Variants in AGXT2 observed in about 807,000 individuals in gnomAD.
AGXT2 encodes the protein alanine--glyoxylate aminotransferase 2, mitochondrial.
AGXT2 carries 61 observed loss-of-function variants against 62.5 expected under a neutral mutation model. That is an observed-to-expected ratio of 0.98 (90% CI 0.79 to 1.21). The LOEUF is 1.21. AGXT2 is among the 50% of genes most tolerant of loss of function. AGXT2 has a pLI of 0.00. For synonymous variants in AGXT2, 243 were observed against 218.7 expected, an observed-to-expected ratio of 1.11 and a Z score of -0.98; for missense variants, 666 against 641.5, an observed-to-expected ratio of 1.04 and a Z score of -0.41.
intron 9 of AGXT2, among the ~76,000 whole-genome samples, chr5:35,020,889 A>G (rs1457289560): frequency 6.6e-6 from 1 of 152,178 alleles, no homozygotes; most frequent in East Asian, 1.9e-4. Flanking sequence ...AGGATACAAA[A>G]TCAATGTACA....
intron 12 of AGXT2, among the ~76,000 whole-genome samples, chr5:35,007,880 G>C (rs1256373182): frequency 6.6e-6 from 1 of 152,050 alleles, no homozygotes; most frequent in African/African-American, 2.4e-5. Flanking sequence ...ATGATGAGTT[G>C]TCACTCCATT....
chr5:35,013,950 G>A (rs1209558955), intron 10 of AGXT2, 37 bp downstream of exon 10: 2 of 1,613,738 alleles, frequency 1.2e-6, no homozygotes, highest in Middle Eastern at 1.7e-4. Context: ...CAATGTACGA[G>A]GCCCAGAAGC....
chr5:34,999,847 A>G (rs922878946), intron 13 of AGXT2, among the ~76,000 whole-genome samples: 2 of 152,092 alleles, frequency 1.3e-5, no homozygotes, highest in Non-Finnish European at 2.9e-5. Flanking sequence ...TCAACTCCAA[A>G]TTGTCCACCT....
chr5:35,002,127 T>G (rs559042354), intron 13 of AGXT2, among the ~76,000 whole-genome samples: 1 of 152,254 alleles, frequency 6.6e-6, no homozygotes, highest in South Asian at 2.1e-4. Context: ...TCTCATGTCT[T>G]TATAAATTGC....
intron 12 of AGXT2, among the ~76,000 whole-genome samples, chr5:35,009,270 A>T (rs984354294): frequency 2.6e-5 from 4 of 151,544 alleles, no homozygotes; most frequent in African/African-American, 9.7e-5. Context: ...GGGAGGTTGA[A>T]ATCCATTCAC....
At chr5:35,014,913 C>G (rs1766795123) in intron 9 of AGXT2, among the ~76,000 whole-genome samples, 1 of 152,152 alleles carries the variant, frequency 6.6e-6, no homozygotes, top group South Asian at 2.1e-4. Flanking sequence ...ATCCTCTTCC[C>G]AGGGATGCCT....
Position 35,016,767 on chromosome 5 carries a change from TATGTAAAACCATAAACC to T in AGXT2, c.964-2665_964-2649del, listed in dbSNP as rs553183731. 3.4e-4 allele frequency among the ~76,000 whole-genome samples: 52 copies of T among 152,330 alleles called. 1 individual carries two copies. Among genetic ancestry groups the T allele is most frequent in the South Asian group, 2.9e-3 (14 of 4,832 alleles). ...GGACTCAGTTACAAATGCATGGAAT[TATGTAAAACCATAAACC>T]ATGTTTAGTCACTGAGGAAGTATCA... On this transcript the variant is annotated intron_variant, in intron 9 of 13. Coordinates refer to ENST00000231420, the MANE Select transcript of AGXT2 (RefSeq NM_031900.4).
rs1229184938 is a variant in AGXT2 at position 34,998,828 on chromosome 5, T to C, written c.1438-2A>G. On this transcript the variant is annotated splice_acceptor_variant, in intron 13 of 13. Coordinates refer to ENST00000231420, the MANE Select transcript of AGXT2 (RefSeq NM_031900.4). LOFTEE classifies it high-confidence loss of function. ...CATTGAGGGCGCAATGCGAAATGTC[T>C]GAGGAGACACCAAAAAATAAGAAAA... The C allele has an allele frequency of 3.7e-6, 6 of 1,601,260 alleles. No individual in the cohort carries two copies. Among genetic ancestry groups the C allele is most frequent in the East Asian group, 2.2e-5 (1 of 44,824 alleles).
chr5:35,046,948 T>A (rs979775974), intron 1 of AGXT2, among the ~76,000 whole-genome samples: 3 of 152,158 alleles, frequency 2.0e-5, no homozygotes, highest in Admixed American at 2.0e-4. Flanking sequence ...AAGCCACCAA[T>A]GTCTGGTTAC....
intron 7 of AGXT2, among the ~76,000 whole-genome samples, chr5:35,031,827 G>A (rs1046147464): frequency 2.7e-5 from 4 of 149,752 alleles, no homozygotes; most frequent in African/African-American, 7.4e-5. Context: ...ATTGCCAAAA[G>A]CATTATTTTC....
intron 1 of AGXT2, among the ~76,000 whole-genome samples, chr5:35,047,470 G>C (rs929792381): frequency 1.3e-5 from 2 of 151,966 alleles, no homozygotes; most frequent in South Asian, 2.1e-4. Context: ...AATCATCCTT[G>C]GGCATCTGTA....
intron 7 of AGXT2, 138 bp from the exon 8 acceptor site, chr5:35,026,648 T>A (rs1767365997): frequency 1.0e-6 from 1 of 979,402 alleles, no homozygotes. Flanking sequence ...CAGAATACGG[T>A]AAACTGGGGT....
chr5:35,020,814 C>G (rs1441490541), intron 9 of AGXT2, among the ~76,000 whole-genome samples: 1 of 152,078 alleles, frequency 6.6e-6, no homozygotes, highest in Non-Finnish European at 1.5e-5. Context: ...GATTGTATAT[C>G]TAGAAAACCC....
chr5:35,043,845 C>CA (rs2112298160), intron 1 of AGXT2, among the ~76,000 whole-genome samples: 1 of 152,280 alleles, frequency 6.6e-6, no homozygotes, highest in African/African-American at 2.4e-5. Context: ...GGCATGCCAC[C>CA]ACACCCGGCT....
At chr5:35,036,598 T>C (rs1437361109) in intron 4 of AGXT2, among the ~76,000 whole-genome samples, 1 of 152,224 alleles carries the variant, frequency 6.6e-6, no homozygotes, top group Non-Finnish European at 1.5e-5. Flanking sequence ...CTTGAGGACA[T>C]AGATGAGAAC....
chr5:35,040,675 G>A lies in AGXT2; in HGVS notation c.89-12C>T. ...CCGGGAAGTACCTACTGAAAGTGAA[G>A]TGAGTTAGAATCCTCAACTAAGCAT... On this transcript the variant is annotated splice_polypyrimidine_tract_variant and intron_variant, in intron 1 of 13. Transcript: ENST00000231420. 6.2e-7 allele frequency: 1 copy of A among 1,606,528 alleles called. No homozygotes were observed. Among genetic ancestry groups the A allele is most frequent in the South Asian group, 1.1e-5 (1 of 90,966 alleles).
intron 3 of AGXT2, among the ~76,000 whole-genome samples, chr5:35,038,597 G>A (rs183941667): frequency 3.3e-5 from 5 of 152,298 alleles, no homozygotes; most frequent in Admixed American, 2.6e-4. Context: ...TGAGGGGGGG[G>A]ACTCTTTGCC....
chr5:35,005,543 T>C (rs940555646), intron 12 of AGXT2, among the ~76,000 whole-genome samples: 3 of 152,074 alleles, frequency 2.0e-5, no homozygotes, highest in African/African-American at 4.8e-5. Flanking sequence ...CAGTTTTGAA[T>C]GGGTGGAGTC....
intron 11 of AGXT2, among the ~76,000 whole-genome samples, chr5:35,011,440 A>G (rs1037270863): frequency 2.1e-5 from 3 of 145,570 alleles, no homozygotes; most frequent in Non-Finnish European, 3.0e-5. Context: ...AGTCTGGGTG[A>G]CAGAGCAAGA....
Sources: allele counts gnomAD v4.1 joint callset (sites outside exome capture counted in the v4.1 genomes callset), GRCh38; gene constraint gnomAD v4.1.1; transcripts MANE v1.5; gene names NCBI Gene and HGNC (gene_info 2026-07-23, HGNC 2026-07-21).